Variants in ANKHD1 observed in about 807,000 individuals in gnomAD.
ANKHD1 encodes ankyrin repeat and KH domain-containing protein 1.
Under a neutral mutation model 230.5 loss-of-function variants are expected in ANKHD1, and 31 were observed. The ratio of observed to expected loss-of-function variants is 0.13; its 90% CI spans 0.10 to 0.18. The LOEUF (loss-of-function observed/expected upper bound fraction) is 0.18, where lower values mean the gene tolerates loss of function less well. ANKHD1 is among the 10% of genes least tolerant of loss of function. The pLI is 1.00. For synonymous variants in ANKHD1, 1,074 were observed against 1,117.6 expected (o/e 0.96, Z 0.78); for missense variants, 2,256 against 3,071.3 (o/e 0.73, Z 6.27).
At chr5:140,451,245 A>G (rs1774711153) in intron 7 of ANKHD1, among the ~76,000 whole-genome samples, 1 of 152,240 alleles carries the variant, frequency 6.6e-6, no homozygotes, top group East Asian at 1.9e-4. Context: ...GGAGATAGGC[A>G]CAATAGCAGT....
At chr5:140,495,017 C>T (rs1015587801) in intron 14 of ANKHD1, among the ~76,000 whole-genome samples, 2 of 152,088 alleles carry the variant, frequency 1.3e-5, no homozygotes, top group African/African-American at 4.8e-5. Flanking sequence ...CCAAAAAGAT[C>T]TCTTATGCCT....
chr5:140,511,826 C>T (rs1752782939), intron 22 of ANKHD1, among the ~76,000 whole-genome samples: 1 of 152,226 alleles, frequency 6.6e-6, no homozygotes, highest in Non-Finnish European at 1.5e-5. Context: ...CACTTTTAGT[C>T]ACTTCCCTGC....
intron 10 of ANKHD1, among the ~76,000 whole-genome samples, chr5:140,472,734 C>A (rs540174087): frequency 6.6e-6 from 1 of 151,902 alleles, no homozygotes; most frequent in African/African-American, 2.4e-5. Context: ...TTTAGCAAAA[C>A]GTTTACTATA....
At chr5:140,533,205 T>C (rs1350855420) in intron 29 of ANKHD1, among the ~76,000 whole-genome samples, 3 of 152,036 alleles carry the variant, frequency 2.0e-5, no homozygotes, top group Non-Finnish European at 4.4e-5. Flanking sequence ...TTGAGTACTT[T>C]GGAAGGCCAA....
Position 140,459,321 on chromosome 5 carries a change from A to G in ANKHD1, c.1638A>G (p.Gly546=). 1.3e-6 allele frequency: 2 copies of G among 1,578,360 alleles called. No homozygotes were observed. ...CTCTGATGGAGGCATCTCAGGAGGG[A>G]CACCTGGAATTGGTTAAATATTTGC... ...STPLMEASQE[G]HLELVKYLLA... Residue 546 remains glycine (G), a synonymous_variant, in exon 9 of 34, where the codon GGA becomes GGG. Coordinates refer to ENST00000360839, the MANE Select transcript of ANKHD1 (RefSeq NM_017747.3).
At chr5:140,434,071 T>C (rs1187051310) in intron 1 of ANKHD1, among the ~76,000 whole-genome samples, 2 of 152,326 alleles carry the variant, frequency 1.3e-5, no homozygotes, top group East Asian at 3.9e-4. Context: ...TGTAAAATTA[T>C]AGTACATCAT....
At position 140,535,408 on chromosome 5, in the gene ANKHD1, T is replaced by C; in HGVS notation, c.6897T>C (p.Ser2299=). Residue 2299 remains serine (S), a synonymous_variant, in exon 30 of 34, where the codon TCT becomes TCC. Coordinates refer to ENST00000360839, the MANE Select transcript of ANKHD1 (RefSeq NM_017747.3). The stretch of plus-strand genomic sequence containing the variant: ...CAGGCAGCTCCCCATCTTCCTCTTC[T>C]GCTCCTCTGGCAAGTTTTTCCGGCA... The part of the protein sequence containing the change: ...DPSGSSPSSS[S]APLASFSGIP... The C allele has an allele frequency of 6.2e-7, 1 of 1,613,688 alleles. No homozygotes were observed. Among genetic ancestry groups the C allele is most frequent in the Middle Eastern group, 1.7e-4 (1 of 6,060 alleles).
At chr5:140,486,759 A>G (rs1044946139) in intron 13 of ANKHD1, 199 bp from the exon 14 acceptor site, 6 of 404,586 alleles carry the variant, frequency 1.5e-5, no homozygotes, top group African/African-American at 4.0e-5. Context: ...ATCATTGACT[A>G]TTTGTAGATT....
intron 1 of ANKHD1, among the ~76,000 whole-genome samples, chr5:140,435,498 C>G (rs1470311932): frequency 6.6e-6 from 1 of 151,616 alleles, no homozygotes; most frequent in African/African-American, 2.4e-5. Flanking sequence ...CTGCCTCAGT[C>G]TCCTGAGTAG....
chr5:140,506,172 C>T lies in ANKHD1; in HGVS notation c.3408+303C>T, dbSNP rs1168334326. On this transcript the variant is annotated intron_variant, in intron 18 of 33. Transcript: ENST00000360839. The surrounding 1 kb of genome is among the most constrained non-coding windows in gnomAD (Gnocchi z 4.7). ...AACTCCTGGCCTCAAGCAATCCTCTCTCCTCGGCCTCCCAAAGTACAGGGA... is the reference window on the plus strand; with the variant it reads ...AACTCCTGGCCTCAAGCAATCCTCTTTCCTCGGCCTCCCAAAGTACAGGGA... Among the ~76,000 whole-genome samples, 5 of 151,848 alleles carry T rather than the reference C, an allele frequency of 3.3e-5. No homozygotes were observed. Among genetic ancestry groups the T allele is most frequent in the African/African-American group, 1.2e-4 (5 of 41,320 alleles).
chr5:140,502,840 CA>C (rs1270160022), intron 15 of ANKHD1, among the ~76,000 whole-genome samples: 1 of 152,020 alleles, frequency 6.6e-6, no homozygotes, highest in Non-Finnish European at 1.5e-5. Flanking sequence ...TTCCATTTTG[CA>C]TATTCTTATA....
intron 10 of ANKHD1, among the ~76,000 whole-genome samples, chr5:140,469,781 A>C (rs1776361308): frequency 6.6e-6 from 1 of 151,720 alleles, no homozygotes; most frequent in Non-Finnish European, 1.5e-5. Context: ...ATTCTGATTT[A>C]GGACCCTATT....
Position 140,506,751 on chromosome 5 carries a change from T to A in ANKHD1, c.3409-84T>A. 1.3e-6 allele frequency: 2 copies of A among 1,562,850 alleles called. No individual in the cohort carries two copies. The highest frequency in any genetic ancestry group is 1.7e-6 in the Non-Finnish European group (2 of 1,158,690). On this transcript the variant is annotated intron_variant, in intron 18 of 33. Transcript: ENST00000360839. This position sits in a 1 kb window ranked among gnomAD's most constrained non-coding sequence, Gnocchi z 4.7. The stretch of plus-strand genomic sequence containing the variant: ...ATCAGATATTTAGATAAGGAAGTTA[T>A]AAGTCCTGTTTCTTTGTGTTTCCTT...
intron 22 of ANKHD1, among the ~76,000 whole-genome samples, chr5:140,511,929 T>C (rs926151014): frequency 6.6e-5 from 10 of 152,208 alleles, no homozygotes; most frequent in Admixed American, 2.0e-4. Context: ...CTATGCAAGC[T>C]TGGTTACATT....
In ANKHD1 at chr5:140,506,021, G is replaced by C; in HGVS notation, c.3408+152G>C. The C allele has an allele frequency of 7.8e-7, 1 of 1,286,538 alleles. No homozygotes were observed. Among genetic ancestry groups the C allele is most frequent in the Non-Finnish European group, 1.0e-6 (1 of 964,848 alleles). The allele number at this position is 1,286,538 out of a possible 1,614,324, so 79.7% of individuals were successfully genotyped here. A position where few individuals can be genotyped will look rare whatever the true frequency, so the allele number is the denominator to read the frequency against. On this transcript the variant is annotated intron_variant, in intron 18 of 33. Transcript: ENST00000360839. The surrounding 1 kb of genome is among the most constrained non-coding windows in gnomAD (Gnocchi z 4.7). ...GTCTTGCTCTGTCTCCCAGGCTAGAGTACAGTGGTGCAATTACAGCTCGCT... is the reference window on the plus strand; with the variant it reads ...GTCTTGCTCTGTCTCCCAGGCTAGACTACAGTGGTGCAATTACAGCTCGCT...
At chr5:140,451,308 C>T (rs74974676) in intron 7 of ANKHD1, among the ~76,000 whole-genome samples, 3,190 of 152,204 alleles carry the variant, frequency 0.021, 117 homozygotes, top group African/African-American at 0.073. Context: ...ATTAGAAATG[C>T]ATTTCAACTA....
Position 140,464,679 on chromosome 5 carries a change from A to G in ANKHD1, c.1685A>G (p.His562Arg). The change falls in exon 10 of 34, where the codon CAT (histidine) becomes CGT (arginine). Residue 562 changes from histidine to arginine, a missense_variant. Physicochemically the swap from His to Arg is conservative, Grantham distance 29. Around this residue, in one of 13 missense-constraint regions of ANKHD1, gnomAD observed 179 missense variants for 261.8 expected, o/e 0.68. Transcript: ENST00000360839. ...KYLLASGANV[H>R]ATTATGDTAL... The stretch of plus-strand genomic sequence containing the variant: ...TTTTGTTTGCTAGGCGCTAATGTGC[A>G]TGCTACAACAGCAACAGGAGACACA... 3 of 1,586,730 alleles carry G rather than the reference A, an allele frequency of 1.9e-6. No homozygotes were observed. The highest frequency in any genetic ancestry group is 1.1e-5 in the South Asian group (1 of 87,212).
At chr5:140,448,726 T>G (rs1774474657) in intron 6 of ANKHD1, among the ~76,000 whole-genome samples, 1 of 152,248 alleles carries the variant, frequency 6.6e-6, no homozygotes, top group South Asian at 2.1e-4. Flanking sequence ...TCTGGAGTGT[T>G]TGTCATTTTC....
intron 7 of ANKHD1, among the ~76,000 whole-genome samples, chr5:140,457,340 A>C (rs149553994): frequency 0.6 from 91,168 of 152,022 alleles, 29,300 homozygotes; most frequent in East Asian, 0.84. Flanking sequence ...TTGACCCAGC[A>C]ATCCCATTAC....
Sources: gnomAD v4.1 joint callset for allele counts (sites outside exome capture counted in the v4.1 genomes callset) on GRCh38, gnomAD v4.1.1 for gene constraint, gnomAD v4.1.1 regional missense constraint, Gnocchi (gnomAD v3.1) non-coding constraint, MANE v1.5 for transcripts, NCBI Gene and HGNC (gene_info 2026-07-23, HGNC 2026-07-21) for gene names.